The following MACROD2 variants were observed in gnomAD, a reference collection of about 807,000 sequenced individuals.
The protein encoded by MACROD2 is mono-ADP ribosylhydrolase 2, also known as ADP-ribose glycohydrolase MACROD2.
MACROD2 carries 36 observed loss-of-function variants against 70.4 expected under a neutral mutation model. That is an observed-to-expected ratio of 0.51 (90% CI 0.39 to 0.68). The LOEUF (loss-of-function observed/expected upper bound fraction) is 0.68, where lower values mean the gene tolerates loss of function less well. Among genes scored for constraint, MACROD2 ranks in the 30% least tolerant of loss-of-function variants. The probability of loss-of-function intolerance (pLI) is 0.00; values close to 1 mark genes in which losing one functional copy is unlikely to be tolerated. For synonymous variants in MACROD2, 172 were observed against 178.8 expected, an observed-to-expected ratio of 0.96 and a Z score of 0.30; for missense variants, 496 against 538.4, an observed-to-expected ratio of 0.92 and a Z score of 0.78.
At chr20:15,018,770 C>T (rs2075141465) in intron 5 of MACROD2, among the ~76,000 whole-genome samples, 2 of 152,122 alleles carry the variant, frequency 1.3e-5, no homozygotes, top group Non-Finnish European at 2.9e-5. Flanking sequence ...CTTCCCCAGC[C>T]CACTGACTCA....
intron 7 of MACROD2, among the ~76,000 whole-genome samples, chr20:15,460,948 T>C (rs370158516): frequency 3.4e-4 from 48 of 142,766 alleles, no homozygotes; most frequent in African/African-American, 1.2e-3. Context: ...TCATTATAAA[T>C]AGCTTCCCTT....
At chr20:15,574,029 G>A (rs956659803) in intron 8 of MACROD2, among the ~76,000 whole-genome samples, 1 of 152,112 alleles carries the variant, frequency 6.6e-6, no homozygotes, top group Non-Finnish European at 1.5e-5. Context: ...TCCAGCATGA[G>A]GGGATAATTA....
intron 8 of MACROD2, among the ~76,000 whole-genome samples, chr20:15,509,958 G>A (rs1009170621): frequency 3.3e-5 from 5 of 152,284 alleles, no homozygotes; most frequent in Non-Finnish European, 4.4e-5. Context: ...TCCTCCAGTG[G>A]CATACCAAAG....
rs531481711 is a variant in MACROD2 at position 14,055,999 on chromosome 20, G to T, written c.164-29622G>T. 3.3e-5 allele frequency among the ~76,000 whole-genome samples: 5 copies of T among 152,132 alleles called. No homozygotes were observed. In the South Asian group the frequency reaches 1.0e-3, roughly 32 times the overall value. On this transcript the variant is annotated intron_variant, in intron 2 of 17. Coordinates refer to ENST00000684519, the MANE Select transcript of MACROD2 (RefSeq NM_001351661.2). Reference sequence around the variant, plus strand: ...CCCAGACTGTGTTACCGACATTTCTGTTGATTGATTGATTATGCAGATTGT... The same window carrying T: ...CCCAGACTGTGTTACCGACATTTCTTTTGATTGATTGATTATGCAGATTGT...
At chr20:15,770,375 A>G (rs1332515199) in intron 8 of MACROD2, among the ~76,000 whole-genome samples, 4 of 152,160 alleles carry the variant, frequency 2.6e-5, no homozygotes, top group Non-Finnish European at 5.9e-5. Flanking sequence ...ATCAGGACTA[A>G]GAAAAGTAGA....
At chr20:14,272,113 G>A (rs1568531336) in intron 3 of MACROD2, among the ~76,000 whole-genome samples, 1 of 152,004 alleles carries the variant, frequency 6.6e-6, no homozygotes, top group Non-Finnish European at 1.5e-5. Context: ...AGTAAGGCAG[G>A]CCAACATTCA....
At chr20:14,014,593 C>A (rs1318712806) in intron 2 of MACROD2, among the ~76,000 whole-genome samples, 1 of 152,068 alleles carries the variant, frequency 6.6e-6, no homozygotes, top group East Asian at 1.9e-4. Flanking sequence ...AGAGGGTATG[C>A]AGTTTCCACC....
chr20:15,248,446 C>T (rs929738112), intron 6 of MACROD2, among the ~76,000 whole-genome samples: 1 of 152,154 alleles, frequency 6.6e-6, no homozygotes, highest in African/African-American at 2.4e-5. Context: ...CTTAAACCCT[C>T]TGTGACTCCT....
intron 4 of MACROD2, among the ~76,000 whole-genome samples, chr20:14,539,100 T>G (rs1227650469): frequency 6.6e-6 from 1 of 152,232 alleles, no homozygotes; most frequent in Admixed American, 6.5e-5. Context: ...TACTTTATCT[T>G]AGACAAAATT....
At chr20:14,041,116 C>T (rs1420852855) in intron 2 of MACROD2, among the ~76,000 whole-genome samples, 1 of 152,096 alleles carries the variant, frequency 6.6e-6, no homozygotes, top group African/African-American at 2.4e-5. Flanking sequence ...TTTAATTTAC[C>T]TCATCTGTAA....
intron 2 of MACROD2, among the ~76,000 whole-genome samples, chr20:14,070,191 T>C (rs1343488202): frequency 1.3e-5 from 2 of 152,192 alleles, no homozygotes; most frequent in Non-Finnish European, 2.9e-5. Flanking sequence ...AAAATGACGT[T>C]GTAAACCTCC....
At chr20:14,272,971 C>T (rs6033928) in intron 3 of MACROD2, among the ~76,000 whole-genome samples, 1,767 of 151,774 alleles carry the variant, frequency 0.012, 35 homozygotes, top group African/African-American at 0.04. Context: ...GCACCCAATA[C>T]AGGAGCACCC....
At chr20:16,029,600 G>A (rs759228139) in intron 15 of MACROD2, among the ~76,000 whole-genome samples, 9 of 152,170 alleles carry the variant, frequency 5.9e-5, no homozygotes, top group Non-Finnish European at 1.3e-4. Flanking sequence ...AACGAGCCTG[G>A]TGTTGCCCTA....
At chr20:14,763,637 A>G (rs145606762) in intron 5 of MACROD2, among the ~76,000 whole-genome samples, 1 of 152,232 alleles carries the variant, frequency 6.6e-6, no homozygotes, top group East Asian at 1.9e-4. Context: ...TTAAGAGAGA[A>G]GGAAAAGGAT....
chr20:15,694,021 TA>T (rs1410768580), intron 8 of MACROD2, among the ~76,000 whole-genome samples: 1 of 152,210 alleles, frequency 6.6e-6, no homozygotes, highest in Non-Finnish European at 1.5e-5. Flanking sequence ...CAATCTCATC[TA>T]AGTCACTGCA....
At chr20:15,695,231 AT>A (rs569173992) in intron 8 of MACROD2, among the ~76,000 whole-genome samples, 4 of 151,328 alleles carry the variant, frequency 2.6e-5, no homozygotes, top group East Asian at 1.9e-4. Flanking sequence ...GAATTTTAGA[AT>A]TTTTTTTCTA....
At chr20:14,740,739 G>A (rs1214123753) in intron 5 of MACROD2, among the ~76,000 whole-genome samples, 7 of 152,002 alleles carry the variant, frequency 4.6e-5, no homozygotes, top group Non-Finnish European at 1.0e-4. Flanking sequence ...GGTATTTGTG[G>A]CTAAATGAAA....
chr20:14,108,062 A>G (rs1020454913), intron 3 of MACROD2, among the ~76,000 whole-genome samples: 4 of 152,128 alleles, frequency 2.6e-5, no homozygotes, highest in Non-Finnish European at 5.9e-5. Context: ...CAGCTTTTCA[A>G]GATATAGACA....
In MACROD2 at chr20:14,564,729, C is replaced by T. The variant is rs188796202; in HGVS notation, c.301+71221C>T. Among the ~76,000 whole-genome samples the T allele has an allele frequency of 3.6e-3, 540 of 152,052 alleles. 1 individual carries two copies. Among genetic ancestry groups the T allele is most frequent in the Non-Finnish European group, 4.7e-3 (321 of 67,930 alleles). On this transcript the variant is annotated intron_variant, in intron 4 of 17. Transcript: ENST00000684519. ...ATGTAGAGAAAAGAAAATTCTTATA[C>T]ACTGTCGGTGGGAAGGTAAATTGTG...
Sources: gnomAD v4.1 joint callset for allele counts (sites outside exome capture counted in the v4.1 genomes callset) on GRCh38, gnomAD v4.1.1 for gene constraint, MANE v1.5 for transcripts, NCBI Gene and HGNC (gene_info 2026-07-23, HGNC 2026-07-21) for gene names.